Variants in DSCAM observed in about 807,000 individuals in gnomAD.
The protein encoded by DSCAM is DS cell adhesion molecule.
Under a neutral mutation model 217.7 loss-of-function variants are expected in DSCAM, and 47 were observed. The observed-to-expected ratio is 0.22, with a 90% CI of 0.17 to 0.28. The LOEUF is 0.28. Among genes scored for constraint, DSCAM ranks in the 10% least tolerant of loss-of-function variants. The pLI is 1.00. For synonymous variants in DSCAM, 1,056 were observed against 1,015.3 expected (o/e 1.04, Z -0.76); for missense variants, 2,080 against 2,618.3 (o/e 0.79, Z 4.49).
intron 3 of DSCAM, among the ~76,000 whole-genome samples, chr21:40,689,271 C>T (rs1395381427): frequency 6.6e-6 from 1 of 152,222 alleles, no homozygotes; most frequent in Non-Finnish European, 1.5e-5. Flanking sequence ...ACCAGGATTT[C>T]CAAAGGTCCC....
At chr21:40,681,606 G>T (rs182828837) in intron 3 of DSCAM, among the ~76,000 whole-genome samples, 3 of 151,972 alleles carry the variant, frequency 2.0e-5, no homozygotes, top group African/African-American at 7.2e-5. Context: ...AGAATTGGAA[G>T]AATTTGTAAT....
At chr21:40,821,031 T>C (rs1443976665) in intron 1 of DSCAM, among the ~76,000 whole-genome samples, 2 of 151,344 alleles carry the variant, frequency 1.3e-5, no homozygotes. Flanking sequence ...CGCAGATATA[T>C]ATATATCTTC....
At chr21:40,243,548 A>C (rs183624583) in intron 11 of DSCAM, among the ~76,000 whole-genome samples, 1 of 152,338 alleles carries the variant, frequency 6.6e-6, no homozygotes, top group Admixed American at 6.5e-5. Flanking sequence ...AGATGATGAC[A>C]GCAGTAAATA....
At chr21:40,116,975 C>T (rs1414103248) in intron 20 of DSCAM, among the ~76,000 whole-genome samples, 1 of 120,532 alleles carries the variant, frequency 8.3e-6, no homozygotes, top group African/African-American at 3.2e-5. Flanking sequence ...GCACTCCAGC[C>T]TGGGTGACAG....
chr21:40,040,716 G>A (rs979992271), intron 32 of DSCAM, among the ~76,000 whole-genome samples: 2 of 152,126 alleles, frequency 1.3e-5, no homozygotes, highest in African/African-American at 4.8e-5. Flanking sequence ...ATAATGCTAT[G>A]TGCATCTAAC....
intron 3 of DSCAM, among the ~76,000 whole-genome samples, chr21:40,482,014 G>A (rs1208740702): frequency 6.6e-6 from 1 of 152,218 alleles, no homozygotes; most frequent in Non-Finnish European, 1.5e-5. Context: ...AATCTCAGAA[G>A]TGTCTGAAGT....
chr21:40,504,108 C>T (rs1021598953), intron 3 of DSCAM, among the ~76,000 whole-genome samples: 3 of 152,018 alleles, frequency 2.0e-5, no homozygotes, highest in African/African-American at 7.3e-5. Flanking sequence ...TCTATCTGGC[C>T]AGCTCTAGAA....
intron 3 of DSCAM, among the ~76,000 whole-genome samples, chr21:40,573,141 T>A (rs1004367245): frequency 1.1e-4 from 16 of 152,088 alleles, no homozygotes; most frequent in South Asian, 8.3e-4. Context: ...ATCGAGACCA[T>A]CCTGGCTAAC....
In DSCAM at chr21:40,821,089, T is replaced by C. The variant is rs888608510; in HGVS notation, c.43+25530A>G. Among the ~76,000 whole-genome samples the C allele has an allele frequency of 4.2e-5, 3 of 72,140 alleles. No individual in the cohort carries two copies. In the East Asian group the frequency reaches 8.9e-4, roughly 21 times the overall value. The allele number at this position is 72,140 out of a possible 152,430, so 47.3% of individuals were successfully genotyped here. A position where few individuals can be genotyped will look rare whatever the true frequency, so the allele number is the denominator to read the frequency against. On this transcript the variant is annotated intron_variant, in intron 1 of 32. Coordinates refer to ENST00000400454, the MANE Select transcript of DSCAM (RefSeq NM_001389.5). ...CTTCACATATAGATCTTCACATATA[T>C]AGAGAGATATATATATCTTCACATA...
At chr21:40,252,611 G>GA (rs937990439) in intron 11 of DSCAM, among the ~76,000 whole-genome samples, 5 of 151,764 alleles carry the variant, frequency 3.3e-5, no homozygotes, top group Admixed American at 2.0e-4. Context: ...GTTATAATCA[G>GA]AAAAAAAATA....
intron 8 of DSCAM, among the ~76,000 whole-genome samples, chr21:40,324,103 C>CAAAAAAAAAAAAAAAAAAAAA (rs71330393): frequency 2.9e-4 from 8 of 27,950 alleles, no homozygotes; most frequent in Non-Finnish European, 3.6e-4. Flanking sequence ...AACTCTGTCT[C>CAAAAAAAAAAAAAAAAAAAAA]AAAAAAAAAA....
In DSCAM at chr21:40,548,677, T is replaced by C. The variant is rs563020967; in HGVS notation, c.508+144133A>G. Among the ~76,000 whole-genome samples, 10 of 152,292 alleles carry C rather than the reference T, an allele frequency of 6.6e-5. No individual in the cohort carries two copies. In the South Asian group the frequency reaches 1.9e-3, roughly 28 times the overall value. ...TTACTTTCCTTCTCAATTTGCAAAA[T>C]TGAATAGAATGTGTTTGAAAGGCCA... On this transcript the variant is annotated intron_variant, in intron 3 of 32. Coordinates refer to ENST00000400454, the MANE Select transcript of DSCAM (RefSeq NM_001389.5).
chr21:40,048,978 AT>A (rs67895940), intron 30 of DSCAM, among the ~76,000 whole-genome samples: 21,983 of 152,174 alleles, frequency 0.14, 1,915 homozygotes, highest in East Asian at 0.33. Flanking sequence ...AATGAAAAAA[AT>A]GATCCAGCAG....
intron 10 of DSCAM, among the ~76,000 whole-genome samples, chr21:40,292,829 G>A (rs772075825): frequency 2.6e-5 from 4 of 151,924 alleles, no homozygotes; most frequent in Middle Eastern, 3.4e-3. Flanking sequence ...TGTAAGCTCC[G>A]CCTCCCGGGT....
chr21:40,686,304 G>A (rs971755414), intron 3 of DSCAM, among the ~76,000 whole-genome samples: 1 of 135,292 alleles, frequency 7.4e-6, no homozygotes, highest in Non-Finnish European at 1.6e-5. Flanking sequence ...CACCATACAC[G>A]GCACACACAC....
intron 1 of DSCAM, among the ~76,000 whole-genome samples, chr21:40,732,320 C>G (rs1005290485): frequency 1.3e-5 from 2 of 152,224 alleles, no homozygotes; most frequent in African/African-American, 4.8e-5. Flanking sequence ...GCAGAACATT[C>G]TAACAATTAG....
At chr21:40,088,565 C>G (rs2089563756) in intron 21 of DSCAM, among the ~76,000 whole-genome samples, 1 of 152,180 alleles carries the variant, frequency 6.6e-6, no homozygotes, top group African/African-American at 2.4e-5. Flanking sequence ...TTTGTTGCAG[C>G]AAAACCCATG....
chr21:40,178,903 A>G, intron 15 of DSCAM, 24 bp downstream of exon 15: 2 of 1,612,294 alleles, frequency 1.2e-6, no homozygotes, highest in East Asian at 2.2e-5. Context: ...CCTCTGGAGC[A>G]AGGTTCCGCC....
chr21:40,487,754 A>G (rs963878473), intron 3 of DSCAM, among the ~76,000 whole-genome samples: 5 of 152,152 alleles, frequency 3.3e-5, no homozygotes, highest in African/African-American at 1.2e-4. Flanking sequence ...GAGAGAACCT[A>G]TGAAGCTGCT....
Sources: gnomAD v4.1 joint callset for allele counts (sites outside exome capture counted in the v4.1 genomes callset) on GRCh38, gnomAD v4.1.1 for gene constraint, MANE v1.5 for transcripts, NCBI Gene and HGNC (gene_info 2026-07-23, HGNC 2026-07-21) for gene names.